Variants in TPRX1 observed in about 807,000 individuals in gnomAD.
The protein encoded by TPRX1 is tetrapeptide repeat homeobox 1.
A neutral mutation model predicts 8.1 loss-of-function variants in TPRX1; 2 were observed. The observed-to-expected ratio is 0.25, with a 90% confidence interval of 0.10 to 0.78. TPRX1 has a LOEUF of 0.78. Ranked by LOEUF, TPRX1 falls within the 30% of genes least tolerant of loss-of-function variation. The pLI, the probability that TPRX1 is intolerant of heterozygous loss-of-function variation, is 0.70. For synonymous variants in TPRX1, 257 were observed against 254.1 expected (o/e 1.01, Z -0.11); for missense variants, 517 against 586.9 (o/e 0.88, Z 1.23).
At chr19:47,802,832 G>C (rs920129369) in exon 4 of TPRX1, 1 of 1,600,252 alleles carries the variant, frequency 6.2e-7, no homozygotes, top group Non-Finnish European at 8.5e-7. Context: ...AAGGATTCCC[G>C]AGGGGCCCCG....
At chr19:47,802,268 G>C (rs1967674410) in exon 4 of TPRX1, 2 of 1,569,530 alleles carry the variant, frequency 1.3e-6, no homozygotes, top group South Asian at 1.2e-5. Flanking sequence ...GATCAGGCCT[G>C]GGTTCGGGCC....
exon 4 of TPRX1, chr19:47,802,782 A>C (rs1254632241): frequency 2.5e-6 from 4 of 1,605,444 alleles, no homozygotes; most frequent in East Asian, 2.2e-5. Context: ...GGGCCACCCC[A>C]GGCCTGGTGG....
chr19:47,818,370 T>C lies in TPRX1; in HGVS notation c.151+98A>G, dbSNP rs1187911102. On this transcript the variant is annotated intron_variant, in intron 2 of 3. Coordinates refer to ENST00000535759, the Ensembl canonical transcript of TPRX1. ...CATCCATCCATCCATCCATCCATCATCCATCACCCATCCATCCCTCCATCC... is the reference window on the plus strand; with the variant it reads ...CATCCATCCATCCATCCATCCATCACCCATCACCCATCCATCCCTCCATCC... 3.1e-5 allele frequency: 11 copies of C among 358,160 alleles called. 2 individuals are homozygous for C. Among genetic ancestry groups the C allele is most frequent in the East Asian group, 8.8e-5 (1 of 11,328 alleles). 22.2% of individuals were successfully genotyped at this position (358,160 alleles called of 1,614,324 possible). A position where few individuals can be genotyped will look rare whatever the true frequency, so the allele number is the denominator to read the frequency against.
chr19:47,805,671 G>T (rs886506467), intron 2 of TPRX1, among the ~76,000 whole-genome samples: 1 of 152,162 alleles, frequency 6.6e-6, no homozygotes. Flanking sequence ...GTAGAAAGCA[G>T]CATCCCCAGC....
intron 2 of TPRX1, among the ~76,000 whole-genome samples, chr19:47,813,191 G>T (rs1967801038): frequency 6.7e-6 from 1 of 148,304 alleles, no homozygotes; most frequent in Non-Finnish European, 1.5e-5. Flanking sequence ...GCCAGGCGGA[G>T]TGGCGTGCTC....
chr19:47,802,594 AATTGGGCCTGGG>A (rs1392581575), exon 4 of TPRX1: 2 of 1,350,268 alleles, frequency 1.5e-6, no homozygotes, highest in Admixed American at 5.6e-5. Flanking sequence ...CTGGGCCTGA[AATTGGGCCTGGG>A]ATTGGGGCTG....
chr19:47,814,307 G>A (rs1967811838), intron 2 of TPRX1, among the ~76,000 whole-genome samples: 1 of 152,130 alleles, frequency 6.6e-6, no homozygotes, highest in Middle Eastern at 3.4e-3. Context: ...TGTTCACCTC[G>A]ACCTCCCAAA....
At chr19:47,807,200 C>T (rs1967743140) in intron 2 of TPRX1, among the ~76,000 whole-genome samples, 1 of 152,110 alleles carries the variant, frequency 6.6e-6, no homozygotes, top group Admixed American at 6.6e-5. Flanking sequence ...AACACCGCGC[C>T]CGGCCAAAAC....
rs201060804 is a variant in TPRX1, at chr19:47,815,163, T to TGCAAA, written c.151+3304_151+3305insTTTGC. Among the ~76,000 whole-genome samples the TGCAAA allele has an allele frequency of 5.0e-3, 430 of 86,210 alleles. 8 individuals are homozygous for TGCAAA. The highest frequency in any genetic ancestry group is 0.011 in the Middle Eastern group (1 of 88). 56.6% of individuals were successfully genotyped at this position (86,210 alleles called of 152,430 possible). On this transcript the variant is annotated intron_variant, in intron 2 of 3. Coordinates refer to ENST00000535759, the Ensembl canonical transcript of TPRX1. ...ATATATGCAAATATATATATATATATTTTTTTTTTTTGAGACAGTCTTGCT... is the reference window on the plus strand; with the variant it reads ...ATATATGCAAATATATATATATATATGCAAATTTTTTTTTTTGAGACAGTCTTGCT...
intron 2 of TPRX1, among the ~76,000 whole-genome samples, chr19:47,808,384 G>A (rs552623844): frequency 2.0e-5 from 3 of 151,754 alleles, no homozygotes; most frequent in East Asian, 3.9e-4. Flanking sequence ...CAAAGTTCTG[G>A]GATTACAGGT....
rs574250272 is a variant in TPRX1, at chr19:47,813,373, C to A, written c.151+5095G>T. On this transcript the variant is annotated intron_variant, in intron 2 of 3. Transcript: ENST00000535759. ...AACTCCCCAAAAGCCCACGACCCCC[C>A]CAAAACACACAAAAAACAAAAAGCC... Among the ~76,000 whole-genome samples the A allele has an allele frequency of 2.9e-3, 446 of 151,994 alleles. 2 individuals carry two copies. The highest frequency in any genetic ancestry group is 8.8e-3 in the African/African-American group (363 of 41,472).
chr19:47,810,241 TGA>T (rs1229319429), intron 2 of TPRX1, among the ~76,000 whole-genome samples: 5 of 84,884 alleles, frequency 5.9e-5, no homozygotes, highest in African/African-American at 2.5e-4. Flanking sequence ...GGCGACAGAG[TGA>T]GACTCCATCT....
At chr19:47,805,535 T>C (rs562564603) in intron 2 of TPRX1, among the ~76,000 whole-genome samples, 1 of 152,262 alleles carries the variant, frequency 6.6e-6, no homozygotes, top group East Asian at 1.9e-4. Flanking sequence ...ATTAGAGAGA[T>C]TGACAAGGCT....
At chr19:47,811,398 T>C (rs772743056) in intron 2 of TPRX1, among the ~76,000 whole-genome samples, 6 of 152,046 alleles carry the variant, frequency 3.9e-5, no homozygotes, top group South Asian at 2.1e-4. Context: ...TATTGATCGA[T>C]TGATGACAAT....
At chr19:47,807,592 C>T (rs1401545266) in intron 2 of TPRX1, among the ~76,000 whole-genome samples, 2 of 152,090 alleles carry the variant, frequency 1.3e-5, no homozygotes, top group Non-Finnish European at 1.5e-5. Flanking sequence ...AGGCTAGTCT[C>T]GAACTCCTGG....
At chr19:47,801,820 A>G (rs761255852) in exon 4 of TPRX1, 12 of 1,614,032 alleles carry the variant, frequency 7.4e-6, no homozygotes, top group Non-Finnish European at 1.0e-5. Flanking sequence ...TTTCATTCAC[A>G]GAGCCACCCT....
rs370182492 is a variant in TPRX1 at position 47,802,662 on chromosome 19, T to C, written c.640A>G (p.Ile214Val). The change falls in exon 4 of 4, where the codon ATT (isoleucine) becomes GTT (valine). Residue 214 changes from isoleucine (I) to valine (V), a missense_variant. Physicochemically the swap from Ile to Val is conservative, Grantham distance 29. Around this residue, in one of 3 missense-constraint regions of TPRX1, gnomAD observed 506 missense variants for 515.5 expected, o/e 0.98. Transcript: ENST00000535759. ...GCTGGGCCTGGAATTGGGCCTGGAA[T>C]TGAGCCAGGGAGTGGGCCTGGGATC... The C allele has an allele frequency of 5.1e-6, 8 of 1,554,986 alleles. No homozygotes were observed. The highest frequency in any genetic ancestry group is 2.4e-5 in the East Asian group (1 of 41,450).
intron 2 of TPRX1, chr19:47,818,402 C>CCATA: frequency 2.2e-6 from 1 of 446,998 alleles, no homozygotes; most frequent in Non-Finnish European, 4.5e-6. Context: ...ATCCATCCAT[C>CCATA]CATCCATCCA....
At chr19:47,811,542 C>T (rs1463384799) in intron 2 of TPRX1, among the ~76,000 whole-genome samples, 4 of 149,336 alleles carry the variant, frequency 2.7e-5, no homozygotes, top group Non-Finnish European at 4.5e-5. Context: ...TCTGTTGCCC[C>T]GGCTAGAGTA....
Sources: gnomAD v4.1 joint callset for allele counts (sites outside exome capture counted in the v4.1 genomes callset) on GRCh38, gnomAD v4.1.1 for gene constraint, gnomAD v4.1.1 regional missense constraint, MANE v1.5 for transcripts, NCBI Gene and HGNC (gene_info 2026-07-23, HGNC 2026-07-21) for gene names.